NBAS: variants seen among roughly 807,000 people sequenced by gnomAD.
NBAS encodes the protein NBAS subunit of NRZ tethering complex.
In NBAS, 219 loss-of-function variants were observed where a neutral mutation model predicts 302.5. The observed-to-expected ratio is 0.72, with a 90% CI of 0.65 to 0.81. The LOEUF (loss-of-function observed/expected upper bound fraction) is 0.81, where lower values mean the gene tolerates loss of function less well. Ranked by LOEUF, NBAS falls within the 30% of genes least tolerant of loss-of-function variation. NBAS has a pLI of 0.00. For synonymous variants in NBAS, 1,118 were observed against 1,021.6 expected (o/e 1.09, Z -1.80); for missense variants, 2,932 against 2,841.6 (o/e 1.03, Z -0.72).
the NBAS span, among the ~76,000 whole-genome samples, chr2:14,915,710 C>G: frequency 2.6e-5 from 4 of 152,120 alleles, no homozygotes; most frequent in Non-Finnish European, 2.9e-5. Flanking sequence ...CTACAGGCAC[C>G]TGCCACCACA....
chr2:15,140,182 T>C, the NBAS span, among the ~76,000 whole-genome samples: 1 of 152,216 alleles, frequency 6.6e-6, no homozygotes, highest in African/African-American at 2.4e-5. Context: ...GAGGTTCCAG[T>C]GAATAGCCCG....
At chr2:15,098,955 T>TCA in the NBAS span, among the ~76,000 whole-genome samples, 1 of 151,110 alleles carries the variant, frequency 6.6e-6, no homozygotes, top group African/African-American at 2.4e-5. Context: ...GGTGTCCCCC[T>TCA]CACACACACA....
chr2:15,077,691 T>TTTTTTTTTC, the NBAS span, among the ~76,000 whole-genome samples: 5,119 of 142,210 alleles, frequency 0.036, 254 homozygotes, highest in African/African-American at 0.12. Flanking sequence ...TTTTTTTTTC[T>TTTTTTTTTC]TTTTTTTTTT....
intron 11 of NBAS, among the ~76,000 whole-genome samples, chr2:15,500,895 G>A (rs1661509822): frequency 6.6e-6 from 1 of 150,864 alleles, no homozygotes; most frequent in South Asian, 2.1e-4. Flanking sequence ...CTGCACTCCA[G>A]CCTGGGTGAC....
chr2:15,126,382 G>A, the NBAS span, among the ~76,000 whole-genome samples: 1 of 152,166 alleles, frequency 6.6e-6, no homozygotes, highest in Admixed American at 6.5e-5. Flanking sequence ...TTACAGCAAT[G>A]TGAAAACACA....
At chr2:15,434,736 G>A (rs895658280) in intron 21 of NBAS, among the ~76,000 whole-genome samples, 2 of 152,156 alleles carry the variant, frequency 1.3e-5, no homozygotes, top group African/African-American at 4.8e-5. Flanking sequence ...TAGGTTCGAG[G>A]TTGCCAGTAT....
intron 23 of NBAS, among the ~76,000 whole-genome samples, chr2:15,423,294 C>A (rs1677299919): frequency 1.3e-5 from 2 of 152,128 alleles, no homozygotes; most frequent in Admixed American, 1.3e-4. Context: ...GGATGTCAAT[C>A]ACAAATGTTC....
At position 15,328,277 on chromosome 2, in the gene NBAS, A is replaced by C. The variant is rs1672168805; in HGVS notation, c.4383T>G (p.Thr1461=). 1 of 1,614,014 alleles carries C rather than the reference A, an allele frequency of 6.2e-7. No homozygotes were observed. Among genetic ancestry groups the C allele is most frequent in the Admixed American group, 1.7e-5 (1 of 60,014 alleles). ...GTTTCTCTAGATCTTCATTGGCTGT[A>C]GTTCCGATTTGATATGCACCACCAC... ...QKCGGAYQIG[T]TANEDLEKQG... The change falls in exon 37 of 52, where the codon ACT becomes ACG. Residue 1461 remains threonine (T), a synonymous_variant. Transcript: ENST00000281513.
the NBAS span, among the ~76,000 whole-genome samples, chr2:14,872,188 T>C: frequency 1.4e-4 from 22 of 152,234 alleles, no homozygotes; most frequent in South Asian, 2.1e-4. Context: ...TGAGAGAACA[T>C]AGTAATTCTA....
chr2:15,217,370 T>A (rs1666698360), intron 48 of NBAS, among the ~76,000 whole-genome samples: 1 of 152,216 alleles, frequency 6.6e-6, no homozygotes, highest in Non-Finnish European at 1.5e-5. Flanking sequence ...GACCTCTTCA[T>A]CTCACAGAGG....
chr2:15,245,658 G>A (rs1405319174), intron 44 of NBAS, among the ~76,000 whole-genome samples: 1 of 152,068 alleles, frequency 6.6e-6, no homozygotes, highest in Non-Finnish European at 1.5e-5. Context: ...CGGACGGACG[G>A]ACGGATGGAT....
chr2:15,099,951 T>G, the NBAS span, among the ~76,000 whole-genome samples: 1 of 152,118 alleles, frequency 6.6e-6, no homozygotes, highest in African/African-American at 2.4e-5. Context: ...AGGGGGAAAA[T>G]GACTATTAGA....
chr2:14,957,434 C>T, the NBAS span, among the ~76,000 whole-genome samples: 11 of 152,032 alleles, frequency 7.2e-5, no homozygotes, highest in African/African-American at 2.2e-4. Flanking sequence ...ATTTCCCAAG[C>T]GCATTTTATC....
At chr2:15,093,803 A>T in the NBAS span, among the ~76,000 whole-genome samples, 2 of 152,238 alleles carry the variant, frequency 1.3e-5, no homozygotes, top group Non-Finnish European at 2.9e-5. Context: ...TGAATAATCA[A>T]GCCTGGCTAT....
chr2:15,309,721 A>T (rs1218098487), intron 38 of NBAS, among the ~76,000 whole-genome samples: 1 of 152,182 alleles, frequency 6.6e-6, no homozygotes, highest in Non-Finnish European at 1.5e-5. Context: ...CCTTCCAATA[A>T]CACCCCTCCT....
intron 19 of NBAS, among the ~76,000 whole-genome samples, chr2:15,465,029 A>G (rs1360035947): frequency 6.6e-6 from 1 of 152,208 alleles, no homozygotes; most frequent in Non-Finnish European, 1.5e-5. Context: ...CAGTTTTCAT[A>G]CCCATAAAAT....
At chr2:15,045,953 G>T in the NBAS span, among the ~76,000 whole-genome samples, 1 of 152,082 alleles carries the variant, frequency 6.6e-6, no homozygotes, top group Non-Finnish European at 1.5e-5. Context: ...GCAGACCCAG[G>T]GCTTCCCTGT....
the NBAS span, among the ~76,000 whole-genome samples, chr2:15,108,965 G>A: frequency 6.6e-6 from 1 of 152,000 alleles, no homozygotes; most frequent in Non-Finnish European, 1.5e-5. Flanking sequence ...TCAATCCACT[G>A]GAACAAGGAA....
the NBAS span, among the ~76,000 whole-genome samples, chr2:14,968,550 G>A: frequency 6.6e-6 from 1 of 152,132 alleles, no homozygotes; most frequent in African/African-American, 2.4e-5. Context: ...AAATCCTCCT[G>A]CCCCAGTCTC....
Sources: allele counts gnomAD v4.1 joint callset (sites outside exome capture counted in the v4.1 genomes callset), GRCh38; gene constraint gnomAD v4.1.1; transcripts MANE v1.5; gene names NCBI Gene and HGNC (gene_info 2026-07-23, HGNC 2026-07-21).